The following SLC15A4 variants were observed in gnomAD, a reference collection of about 807,000 sequenced individuals.
The protein encoded by SLC15A4 is hPHT1.
SLC15A4 carries 26 observed loss-of-function variants against 46.1 expected under a neutral mutation model. That is an observed-to-expected ratio of 0.56 (90% CI 0.41 to 0.78). The LOEUF (loss-of-function observed/expected upper bound fraction) is 0.78, where lower values mean the gene tolerates loss of function less well. Among genes scored for constraint, SLC15A4 ranks in the 30% least tolerant of loss-of-function variants. The pLI, the probability that SLC15A4 is intolerant of heterozygous loss-of-function variation, is 0.00. For synonymous variants in SLC15A4, 370 were observed against 333.4 expected (o/e 1.11, Z -1.20); for missense variants, 751 against 755.7 (o/e 0.99, Z 0.07).
At chr12:128,795,657 C>T (rs146472223) in intron 7 of SLC15A4, among the ~76,000 whole-genome samples, 104 of 152,310 alleles carry the variant, frequency 6.8e-4, no homozygotes, top group African/African-American at 2.4e-3. Context: ...GCAGTCTCTC[C>T]GCCAGAGAAC....
chr12:128,812,072 A>T (rs1955664811), intron 2 of SLC15A4, among the ~76,000 whole-genome samples: 1 of 152,204 alleles, frequency 6.6e-6, no homozygotes, highest in Admixed American at 6.5e-5. Flanking sequence ...AAAAGAGTCC[A>T]CTGGTTCTCA....
chr12:128,820,592 A>C (rs924566477), intron 1 of SLC15A4, among the ~76,000 whole-genome samples: 1 of 152,218 alleles, frequency 6.6e-6, no homozygotes, highest in African/African-American at 2.4e-5. Context: ...ACTTTGGGCC[A>C]ATGATTAAAC....
At chr12:128,795,922 G>C (rs972863454) in intron 7 of SLC15A4, among the ~76,000 whole-genome samples, 5 of 152,212 alleles carry the variant, frequency 3.3e-5, no homozygotes, top group Non-Finnish European at 7.3e-5. Flanking sequence ...CGTGTGGCCG[G>C]CAACATCACG....
At chr12:128,796,418 A>G (rs955866514) in intron 7 of SLC15A4, among the ~76,000 whole-genome samples, 8 of 132,220 alleles carry the variant, frequency 6.1e-5, no homozygotes, top group Non-Finnish European at 9.4e-5. Context: ...AACAAACGTG[A>G]AACTCCATCT....
chr12:128,796,788 G>A (rs918789414), intron 7 of SLC15A4, among the ~76,000 whole-genome samples: 2 of 152,182 alleles, frequency 1.3e-5, no homozygotes, highest in African/African-American at 4.8e-5. Flanking sequence ...CATTTTATGT[G>A]CCTATTTTGA....
chr12:128,806,165 C>CCAAAAA (rs1555252732), intron 5 of SLC15A4, among the ~76,000 whole-genome samples: 2 of 86,296 alleles, frequency 2.3e-5, no homozygotes, highest in South Asian at 4.5e-4. Flanking sequence ...GACTCTGTCT[C>CCAAAAA]AAAAAAAAAA....
chr12:128,804,636 A>G (rs1459533332), intron 5 of SLC15A4, among the ~76,000 whole-genome samples: 2 of 152,240 alleles, frequency 1.3e-5, no homozygotes, highest in African/African-American at 4.8e-5. Flanking sequence ...AGGCTGAGGC[A>G]GGAGAATCGC....
At chr12:128,819,623 C>T (rs1403870600) in intron 1 of SLC15A4, 1 of 152,206 alleles carries the variant, frequency 6.6e-6, no homozygotes, top group Non-Finnish European at 1.5e-5. Context: ...AGCTGGGATC[C>T]AATCACTCAG....
At chr12:128,798,941 C>T (rs1016915258) in intron 7 of SLC15A4, among the ~76,000 whole-genome samples, 4 of 152,154 alleles carry the variant, frequency 2.6e-5, no homozygotes, top group Non-Finnish European at 5.9e-5. Flanking sequence ...GCTGGACGGG[C>T]GTGGAGAAGG....
At chr12:128,822,360 C>G (rs75663927) in intron 1 of SLC15A4, among the ~76,000 whole-genome samples, 1 of 152,142 alleles carries the variant, frequency 6.6e-6, no homozygotes, top group Non-Finnish European at 1.5e-5. Flanking sequence ...GAGTGTTTTC[C>G]CACTTCTTTG....
intron 5 of SLC15A4, among the ~76,000 whole-genome samples, chr12:128,805,118 G>T (rs1458661287): frequency 6.6e-6 from 1 of 152,146 alleles, no homozygotes; most frequent in African/African-American, 2.4e-5. Flanking sequence ...GCCAAAGGCA[G>T]CCGGGGGGAG....
chr12:128,801,065 C>T (rs1955513468), intron 5 of SLC15A4, 56 bp from the exon 6 acceptor site: 16 of 1,486,978 alleles, frequency 1.1e-5, no homozygotes, highest in Admixed American at 4.3e-5. Flanking sequence ...TACAGTTAAT[C>T]TAAAAATCTG....
At chr12:128,821,383 G>A (rs1356893782) in intron 1 of SLC15A4, among the ~76,000 whole-genome samples, 3 of 152,182 alleles carry the variant, frequency 2.0e-5, no homozygotes, top group Admixed American at 2.0e-4. Context: ...TGAAGGGGCA[G>A]GCAGTTCACA....
Position 128,801,028 on chromosome 12 carries a change from T to C in SLC15A4, c.1259-19A>G, listed in dbSNP as rs372995259. 1.0e-5 allele frequency: 16 copies of C among 1,583,980 alleles called. No individual in the cohort carries two copies. Among genetic ancestry groups the C allele is most frequent in the African/African-American group, 5.4e-5 (4 of 73,540 alleles). Reference sequence around the variant, plus strand: ...AAAATTCCTAGAATTCAAAAGTAGGTTAGTGTAATATTCATTTATTAACAT... The same window carrying C: ...AAAATTCCTAGAATTCAAAAGTAGGCTAGTGTAATATTCATTTATTAACAT... On this transcript the variant is annotated intron_variant, in intron 5 of 7. Transcript: ENST00000266771.
At chr12:128,823,115 G>C (rs570588323) in intron 1 of SLC15A4, among the ~76,000 whole-genome samples, 4 of 152,324 alleles carry the variant, frequency 2.6e-5, no homozygotes, top group Non-Finnish European at 5.9e-5. Flanking sequence ...TGGAATTACA[G>C]GCGTGAGCCA....
In SLC15A4 at chr12:128,809,484, A is replaced by C. The variant is rs1385293550; in HGVS notation, c.1012-11T>G. Reference sequence around the variant, plus strand: ...ATATGTTGTCTGCATCTAGGTATAAAAAACAGTATCATTATATGTGGACCA... The same window carrying C: ...ATATGTTGTCTGCATCTAGGTATAACAAACAGTATCATTATATGTGGACCA... On this transcript the variant is annotated splice_polypyrimidine_tract_variant and intron_variant, in intron 3 of 7. Transcript: ENST00000266771. The C allele has an allele frequency of 4.4e-6, 7 of 1,577,566 alleles. No homozygotes were observed. Among genetic ancestry groups the C allele is most frequent in the Non-Finnish European group, 6.1e-6 (7 of 1,153,574 alleles).
At chr12:128,822,110 T>A (rs562245872) in intron 1 of SLC15A4, among the ~76,000 whole-genome samples, 1 of 152,292 alleles carries the variant, frequency 6.6e-6, no homozygotes, top group East Asian at 1.9e-4. Flanking sequence ...CCACTTTTTT[T>A]TATATTTTCT....
chr12:128,794,067 A>G lies in SLC15A4; in HGVS notation c.*129T>C. 1 of 969,590 alleles carries G rather than the reference A, an allele frequency of 1.0e-6. No homozygotes were observed. The highest frequency in any genetic ancestry group is 2.6e-5 in the Admixed American group (1 of 38,970). 60.1% of individuals were successfully genotyped at this position (969,590 alleles called of 1,614,324 possible). A position where few individuals can be genotyped will look rare whatever the true frequency, so the allele number is the denominator to read the frequency against. ...TTGGATAGAGGGAAAGAAGAAATCA[A>G]TCCAGGCAACATGCAAGTTTCAGTG... On this transcript the variant is annotated 3_prime_UTR_variant, in exon 8 of 8. Transcript: ENST00000266771.
chr12:128,818,130 G>A lies in SLC15A4; in HGVS notation c.547-3060C>T, dbSNP rs564255037. Among the ~76,000 whole-genome samples the A allele has an allele frequency of 1.7e-4, 25 of 151,122 alleles. 1 individual carries two copies. In the South Asian group the frequency reaches 4.8e-3, roughly 29 times the overall value. On this transcript the variant is annotated intron_variant, in intron 1 of 7. Transcript: ENST00000266771. ...TTTTCATCTGTAACATAAGATTTTC[G>A]TCTTTCAGGTCACTATTTCAAATAA...
Sources: gnomAD v4.1 joint callset for allele counts (sites outside exome capture counted in the v4.1 genomes callset) on GRCh38, gnomAD v4.1.1 for gene constraint, MANE v1.5 for transcripts, NCBI Gene and HGNC (gene_info 2026-07-23, HGNC 2026-07-21) for gene names.